SORCS2: variants seen among roughly 807,000 people sequenced by gnomAD.
SORCS2 encodes the protein sortilin related VPS10 domain containing receptor 2, also known as VPS10 domain-containing receptor SorCS2.
A neutral mutation model predicts 141.6 loss-of-function variants in SORCS2; 100 were observed. The observed-to-expected ratio is 0.71, with a 90% CI of 0.60 to 0.83. The LOEUF (loss-of-function observed/expected upper bound fraction) is 0.83, where lower values mean the gene tolerates loss of function less well. SORCS2 is among the 40% of genes least tolerant of loss of function. SORCS2 has a pLI of 0.00. For missense variants in SORCS2, 1,646 were observed against 1,560.2 expected, an observed-to-expected ratio of 1.05 and a Z score of -0.93; for synonymous variants, 789 against 676.9, an observed-to-expected ratio of 1.17 and a Z score of -2.57.
At position 7,193,161 on chromosome 4, in the gene SORCS2, C is replaced by T. The variant is rs772214551; in HGVS notation, c.480+35C>T. 8 of 1,470,318 alleles carry T rather than the reference C, an allele frequency of 5.4e-6. No individual in the cohort carries two copies. The Middle Eastern group carries it at 7.1e-4, about 131-fold the overall frequency. 91.1% of individuals were successfully genotyped at this position (1,470,318 alleles called of 1,614,324 possible). A position where few individuals can be genotyped will look rare whatever the true frequency, so the allele number is the denominator to read the frequency against. On this transcript the variant is annotated intron_variant, in intron 1 of 26. Coordinates refer to ENST00000507866, the MANE Select transcript of SORCS2 (RefSeq NM_020777.3). This position sits in a 1 kb window ranked among gnomAD's most constrained non-coding sequence, Gnocchi z 4.8. ...CTCCACGCGCTCGCCGCGGCCCCTA[C>T]CCGGGACACCGCGGGACACCCGGGC... is the stretch of plus-strand genomic sequence containing the variant.
At chr4:7,667,363 C>T in intron 8 of SORCS2, 150 bp downstream of exon 8, 1 of 691,300 alleles carries the variant, frequency 1.4e-6, no homozygotes, top group Non-Finnish European at 2.5e-6. Context: ...GCTGCTCACC[C>T]CTCACACCCT....
chr4:7,685,047 G>C (rs193283294), intron 10 of SORCS2, among the ~76,000 whole-genome samples: 1 of 152,190 alleles, frequency 6.6e-6, no homozygotes. Flanking sequence ...AACACCTGTC[G>C]ACCTGTGTGG....
At chr4:7,268,793 G>T in intron 1 of SORCS2, among the ~76,000 whole-genome samples, 1 of 152,210 alleles carries the variant, frequency 6.6e-6, no homozygotes, top group Non-Finnish European at 1.5e-5. Flanking sequence ...TAAAGCAGGT[G>T]CAGCAGGTAG....
chr4:7,648,721 A>G lies in SORCS2; in HGVS notation c.814-5413A>G, dbSNP rs994803910. 1.8e-4 allele frequency among the ~76,000 whole-genome samples: 28 copies of G among 151,992 alleles called. No individual in the cohort carries two copies. The highest frequency in any genetic ancestry group is 6.3e-4 in the African/African-American group (26 of 41,296). ...CTCAGAATGTGAGCTTGGACCTGCC[A>G]TGGTGGAGGAAGAGAGGCTAGAAAC... On this transcript the variant is annotated intron_variant, in intron 4 of 26. Transcript: ENST00000507866. This position sits in a 1 kb window ranked among gnomAD's most constrained non-coding sequence, Gnocchi z 4.2.
At position 7,520,488 on chromosome 4, in the gene SORCS2, G is replaced by A. The variant is rs1049755994; in HGVS notation, c.549-11042G>A. 2.0e-5 allele frequency among the ~76,000 whole-genome samples: 3 copies of A among 152,264 alleles called. No homozygotes were observed. The South Asian group carries it at 6.2e-4, about 32-fold the overall frequency. On this transcript the variant is annotated intron_variant, in intron 2 of 26. Coordinates refer to ENST00000507866, the MANE Select transcript of SORCS2 (RefSeq NM_020777.3). ...TGGAGGAGGGGTCCTCTGGGATTGC[G>A]CCCAGCCCAGCTTCATTCTGGAACG...
chr4:7,306,000 T>G (rs3846429), intron 1 of SORCS2, among the ~76,000 whole-genome samples: 110,270 of 152,102 alleles, frequency 0.72, 43,560 homozygotes, highest in Non-Finnish European at 0.88. Context: ...GGCTGAGGAG[T>G]AGGACACATG....
chr4:7,339,187 T>G (rs558955969), intron 1 of SORCS2, among the ~76,000 whole-genome samples: 65 of 152,296 alleles, frequency 4.3e-4, no homozygotes, highest in African/African-American at 1.6e-3. Context: ...CGCTGCCCTT[T>G]TTCTCACCCC....
Position 7,664,348 on chromosome 4 carries a change from T to G in SORCS2, c.953-5T>G, listed in dbSNP as rs1296019198. 6.2e-7 allele frequency: 1 copy of G among 1,612,496 alleles called. No individual in the cohort carries two copies. On this transcript the variant is annotated splice_region_variant and splice_polypyrimidine_tract_variant and intron_variant, in intron 6 of 26. Coordinates refer to ENST00000507866, the MANE Select transcript of SORCS2 (RefSeq NM_020777.3). The surrounding 1 kb of genome is among the most constrained non-coding windows in gnomAD (Gnocchi z 4.7). The stretch of plus-strand genomic sequence containing the variant: ...ACCGCCTGGGTCGGCGCCTCTCTCC[T>G]GTAGATTTTCGGTACGTCACCTGCG...
intron 3 of SORCS2, among the ~76,000 whole-genome samples, chr4:7,552,660 C>A (rs189259846): frequency 6.6e-6 from 1 of 152,330 alleles, no homozygotes; most frequent in East Asian, 1.9e-4. Context: ...AACCTCCTGC[C>A]ATGGCCGTGG....
At chr4:7,687,569 C>G (rs1358806985) in intron 10 of SORCS2, among the ~76,000 whole-genome samples, 2 of 152,104 alleles carry the variant, frequency 1.3e-5, no homozygotes, top group South Asian at 2.1e-4. Context: ...TCCTGCCACC[C>G]GAGGCCCTGT....
intron 4 of SORCS2, among the ~76,000 whole-genome samples, chr4:7,642,231 G>T (rs1720796980): frequency 6.6e-6 from 1 of 152,348 alleles, no homozygotes. Flanking sequence ...AGCCTCCTGG[G>T]CTACCTCTTT....
chr4:7,361,766 GA>G (rs936065174), intron 1 of SORCS2, among the ~76,000 whole-genome samples: 275 of 146,032 alleles, frequency 1.9e-3, no homozygotes, highest in East Asian at 6.9e-3. Context: ...CAGTGGCTAA[GA>G]AAAAAAAAAA....
chr4:7,457,572 T>C (rs1330280795), intron 2 of SORCS2, among the ~76,000 whole-genome samples: 2 of 151,266 alleles, frequency 1.3e-5, no homozygotes, highest in African/African-American at 4.9e-5. Context: ...AGGTGTGAGC[T>C]GCGGTCAGAG....
At chr4:7,651,087 G>A (rs779489501) in intron 4 of SORCS2, among the ~76,000 whole-genome samples, 1 of 152,174 alleles carries the variant, frequency 6.6e-6, no homozygotes. Flanking sequence ...CCCGATGTCT[G>A]TGTTCACTCA....
chr4:7,505,212 C>T (rs1238275247), intron 2 of SORCS2, among the ~76,000 whole-genome samples: 1 of 152,138 alleles, frequency 6.6e-6, no homozygotes, highest in African/African-American at 2.4e-5. Flanking sequence ...GGACAGCATC[C>T]GTGGAAAATG....
rs373117588 is a variant in SORCS2, at chr4:7,718,008, C to T, written c.2253-4C>T. On this transcript the variant is annotated splice_polypyrimidine_tract_variant and splice_region_variant and intron_variant, in intron 17 of 26. Coordinates refer to ENST00000507866, the MANE Select transcript of SORCS2 (RefSeq NM_020777.3). ...CGGACCCTGACCCTCTCTTGTCAAT[C>T]CAGGTACCGGAAAGTGGTGTCCAAC... 1.0e-5 allele frequency: 16 copies of T among 1,599,618 alleles called. No individual in the cohort carries two copies. In the African/African-American group the frequency reaches 1.2e-4, roughly 12 times the overall value.
intron 1 of SORCS2, among the ~76,000 whole-genome samples, chr4:7,225,968 C>G (rs775327037): frequency 1.3e-5 from 2 of 152,140 alleles, no homozygotes; most frequent in Admixed American, 1.3e-4. Flanking sequence ...TGTCTGGGTT[C>G]AAGGGGAGGC....
intron 1 of SORCS2, among the ~76,000 whole-genome samples, chr4:7,304,311 G>C (rs555908695): frequency 2.0e-5 from 3 of 152,256 alleles, no homozygotes; most frequent in African/African-American, 4.8e-5. Context: ...CATTAGCGAC[G>C]GGGGCAGGTG....
intron 2 of SORCS2, among the ~76,000 whole-genome samples, chr4:7,429,586 C>G (rs1477551169): frequency 6.6e-6 from 1 of 152,216 alleles, no homozygotes; most frequent in Non-Finnish European, 1.5e-5. Flanking sequence ...CATGGAAGGA[C>G]TTGCCTAGAA....
Sources: allele counts gnomAD v4.1 joint callset (sites outside exome capture counted in the v4.1 genomes callset), GRCh38; gene constraint gnomAD v4.1.1; non-coding constraint Gnocchi (gnomAD v3.1); transcripts MANE v1.5; gene names NCBI Gene and HGNC (gene_info 2026-07-23, HGNC 2026-07-21).